The following CATSPERT variants were observed in gnomAD, a reference collection of about 807,000 sequenced individuals.
CATSPERT encodes cation channel sperm-associated targeting subunit tau.
the CATSPERT span, chr2:201,604,646 G>A: frequency 1.9e-6 from 3 of 1,604,710 alleles, no homozygotes; most frequent in Admixed American, 5.1e-5. Flanking sequence ...GGCGTCTCCT[G>A]TGTTATTTCC....
the CATSPERT span, among the ~76,000 whole-genome samples, chr2:201,569,535 A>C: frequency 3.5e-3 from 526 of 152,276 alleles, 14 homozygotes; most frequent in Non-Finnish European, 7.1e-4. Flanking sequence ...AATTACTCCC[A>C]TTGCATTTAA....
At chr2:201,554,821 G>A in the CATSPERT span, 1 of 150,662 alleles carries the variant, frequency 6.6e-6, no homozygotes, top group Non-Finnish European at 1.5e-5. Context: ...TTAAATCCAG[G>A]GCTCTATTTC....
At chr2:201,562,972 C>G in the CATSPERT span, among the ~76,000 whole-genome samples, 13 of 151,004 alleles carry the variant, frequency 8.6e-5, no homozygotes, top group East Asian at 7.9e-4. Flanking sequence ...ACCTTTCCCC[C>G]CTTTCTATTC....
At chr2:201,595,967 A>C in the CATSPERT span, among the ~76,000 whole-genome samples, 1 of 151,048 alleles carries the variant, frequency 6.6e-6, no homozygotes, top group African/African-American at 2.4e-5. Flanking sequence ...ATGCTTATAC[A>C]CTGTTGGTGG....
chr2:201,499,262 GA>G, the CATSPERT span, among the ~76,000 whole-genome samples: 8 of 152,138 alleles, frequency 5.3e-5, no homozygotes, highest in African/African-American at 1.9e-4. Context: ...GTGACCCTTG[GA>G]AAAGATTCTA....
At chr2:201,553,013 C>T in the CATSPERT span, 5 of 151,044 alleles carry the variant, frequency 3.3e-5, no homozygotes, top group Admixed American at 1.3e-4. Flanking sequence ...ATATATTAAC[C>T]GTCTACCAGT....
At chr2:201,579,053 T>G in the CATSPERT span, among the ~76,000 whole-genome samples, 4 of 152,296 alleles carry the variant, frequency 2.6e-5, no homozygotes, top group African/African-American at 7.2e-5. Context: ...TATTTATAAG[T>G]TGCAATCATC....
the CATSPERT span, chr2:201,487,925 C>T: frequency 4.6e-6 from 7 of 1,528,874 alleles, no homozygotes; most frequent in East Asian, 6.9e-5. Flanking sequence ...ATAAAAGATC[C>T]AATTGGTAAA....
chr2:201,541,908 G>A, the CATSPERT span, among the ~76,000 whole-genome samples: 1 of 151,050 alleles, frequency 6.6e-6, no homozygotes, highest in Non-Finnish European at 1.5e-5. Flanking sequence ...TCTATTTTTT[G>A]AGATAGGGTC....
At chr2:201,502,008 C>A in the CATSPERT span, among the ~76,000 whole-genome samples, 1 of 152,156 alleles carries the variant, frequency 6.6e-6, no homozygotes, top group Non-Finnish European at 1.5e-5. Flanking sequence ...GCAAGTCCAT[C>A]CTTCAGGTAT....
the CATSPERT span, chr2:201,492,853 C>G: frequency 6.5e-7 from 1 of 1,536,496 alleles, no homozygotes; most frequent in African/African-American, 1.4e-5. Flanking sequence ...TTCTGAAAGT[C>G]TTTCTACAAG....
chr2:201,519,253 T>C, the CATSPERT span, among the ~76,000 whole-genome samples: 1 of 152,070 alleles, frequency 6.6e-6, no homozygotes, highest in Non-Finnish European at 1.5e-5. Flanking sequence ...GAGATGCAAA[T>C]GACACAAGCA....
chr2:201,501,721 T>A, the CATSPERT span, among the ~76,000 whole-genome samples: 1 of 152,216 alleles, frequency 6.6e-6, no homozygotes, highest in East Asian at 1.9e-4. Flanking sequence ...ATATTATTAC[T>A]GATTTTACAG....
chr2:201,608,520 A>G, the CATSPERT span, among the ~76,000 whole-genome samples: 1 of 152,152 alleles, frequency 6.6e-6, no homozygotes, highest in African/African-American at 2.4e-5. Flanking sequence ...CTTCACCAAT[A>G]CTACAAAGAA....
the CATSPERT span, among the ~76,000 whole-genome samples, chr2:201,533,034 C>G: frequency 2.0e-5 from 3 of 152,170 alleles, no homozygotes; most frequent in Non-Finnish European, 2.9e-5. Flanking sequence ...AAGGGCACTT[C>G]TAAATTTCTT....
the CATSPERT span, among the ~76,000 whole-genome samples, chr2:201,594,252 G>A: frequency 6.6e-6 from 1 of 152,116 alleles, no homozygotes; most frequent in Admixed American, 6.6e-5. Flanking sequence ...TAGTTTGGCT[G>A]GATATGAAAT....
the CATSPERT span, among the ~76,000 whole-genome samples, chr2:201,522,494 G>C: frequency 6.6e-6 from 1 of 152,066 alleles, no homozygotes; most frequent in Non-Finnish European, 1.5e-5. Flanking sequence ...GGTTGAAGTG[G>C]GAGGAAGCTG....
the CATSPERT span, among the ~76,000 whole-genome samples, chr2:201,606,173 A>G: frequency 6.6e-6 from 1 of 152,240 alleles, no homozygotes; most frequent in Non-Finnish European, 1.5e-5. Flanking sequence ...GTATTAAGAG[A>G]AAAATCTGTA....
chr2:201,492,291 A>G, the CATSPERT span: 12 of 1,534,476 alleles, frequency 7.8e-6, no homozygotes, highest in South Asian at 1.3e-4. Context: ...GCAAATTTAT[A>G]TGCTGGTTGA....
Sources: gnomAD v4.1 joint callset for allele counts (sites outside exome capture counted in the v4.1 genomes callset) on GRCh38, gnomAD v4.1.1 for gene constraint, MANE v1.5 for transcripts, NCBI Gene and HGNC (gene_info 2026-07-23, HGNC 2026-07-21) for gene names.